The following EPHA5 variants were observed in gnomAD, a reference collection of about 807,000 sequenced individuals.
EPHA5 encodes ephrin type-A receptor 5.
A neutral mutation model predicts 105.0 loss-of-function variants in EPHA5; 60 were observed. That is an observed-to-expected ratio of 0.57 (90% CI 0.46 to 0.71). EPHA5 has a LOEUF of 0.71. Ranked by LOEUF, EPHA5 falls within the 30% of genes least tolerant of loss-of-function variation. The probability of loss-of-function intolerance (pLI) is 0.00; values close to 1 mark genes in which losing one functional copy is unlikely to be tolerated. For synonymous variants in EPHA5, 513 were observed against 449.1 expected (o/e 1.14, Z -1.80); for missense variants, 1,218 against 1,274.7 (o/e 0.96, Z 0.68).
At chr4:65,461,261 A>G (rs1338453432) in intron 5 of EPHA5, among the ~76,000 whole-genome samples, 1 of 151,900 alleles carries the variant, frequency 6.6e-6, no homozygotes, top group East Asian at 1.9e-4. Flanking sequence ...TCCAGTCACT[A>G]TCTGTGATTT....
Position 65,487,301 on chromosome 4 carries a change from T to C in EPHA5, c.1402+3076A>G, listed in dbSNP as rs543289304. Among the ~76,000 whole-genome samples the C allele has an allele frequency of 7.9e-5, 12 of 152,312 alleles. No homozygotes were observed. In the South Asian group the frequency reaches 2.5e-3, roughly 32 times the overall value. On this transcript the variant is annotated intron_variant, in intron 5 of 16. Transcript: ENST00000613740. ...CCCTTGTTCATTCCTCGGGATAGACTGAACTAACTTTGGGGGGAATTTAGT... is the reference window on the plus strand; with the variant it reads ...CCCTTGTTCATTCCTCGGGATAGACCGAACTAACTTTGGGGGGAATTTAGT...
At chr4:65,392,365 G>C (rs920543574) in intron 8 of EPHA5, among the ~76,000 whole-genome samples, 2 of 151,972 alleles carry the variant, frequency 1.3e-5, no homozygotes, top group African/African-American at 4.8e-5. Flanking sequence ...TCTAAAATCA[G>C]GGATTGTATA....
intron 5 of EPHA5, among the ~76,000 whole-genome samples, chr4:65,455,154 A>G (rs1428810715): frequency 6.6e-6 from 1 of 152,058 alleles, no homozygotes; most frequent in Non-Finnish European, 1.5e-5. Context: ...AATGACGTGA[A>G]CCTGGGAGGC....
chr4:65,405,106 C>T (rs564941276), intron 7 of EPHA5, among the ~76,000 whole-genome samples: 20 of 152,036 alleles, frequency 1.3e-4, no homozygotes, highest in Non-Finnish European at 2.4e-4. Context: ...AACTATCTTA[C>T]GATTGGATAC....
intron 2 of EPHA5, among the ~76,000 whole-genome samples, chr4:65,637,225 G>GTTTTTTTTTTTT (rs33936787): frequency 7.2e-6 from 1 of 139,040 alleles, no homozygotes; most frequent in Non-Finnish European, 1.5e-5. Flanking sequence ...GCACAGAAAA[G>GTTTTTTTTTTTT]TTTTTTTTTT....
intron 3 of EPHA5, among the ~76,000 whole-genome samples, chr4:65,551,000 T>TTATA (rs80172072): frequency 6.6e-6 from 1 of 151,050 alleles, no homozygotes; most frequent in Non-Finnish European, 1.5e-5. Flanking sequence ...TATTTGTGCA[T>TTATA]TATATATATA....
At chr4:65,433,846 C>A (rs1177184493) in intron 5 of EPHA5, among the ~76,000 whole-genome samples, 1 of 152,132 alleles carries the variant, frequency 6.6e-6, no homozygotes, top group Non-Finnish European at 1.5e-5. Flanking sequence ...CAGGACGGAT[C>A]ACCTGAGGCC....
rs2149570934 is a variant in EPHA5, at chr4:65,669,601, C to A, written c.142G>T (p.Ala48Ser). The A allele has an allele frequency of 7.0e-7, 1 of 1,434,300 alleles. No individual in the cohort carries two copies. The highest frequency in any genetic ancestry group is 9.2e-7 in the Non-Finnish European group (1 of 1,088,376). The allele number at this position is 1,434,300 out of a possible 1,614,324, so 88.8% of individuals were successfully genotyped here. The change falls in exon 1 of 17, where the codon GCC becomes TCC. Residue 48 changes from alanine to serine, a missense_variant. Physicochemically the swap from Ala to Ser is moderately conservative, Grantham distance 99 (BLOSUM62 1). This residue lies in a region of EPHA5 where 233 missense variants were observed against 227.5 expected (regional missense o/e 1.02). Transcript: ENST00000613740. ...CTGGCCAGGAGGGTCCGGAGTGCGG[C>A]GCACAGGAGAAGGCACGTCCAGAGG... ...APLWTCLLLCAALRTLLASPS... is the reference protein window; with the variant it reads ...APLWTCLLLCSALRTLLASPS...
chr4:65,370,829 G>T (rs1011246044), intron 8 of EPHA5, among the ~76,000 whole-genome samples: 1 of 151,996 alleles, frequency 6.6e-6, no homozygotes, highest in African/African-American at 2.4e-5. Context: ...TCACATTAAC[G>T]TATGGAATTA....
At chr4:65,532,751 CA>C (rs1378632448) in intron 3 of EPHA5, among the ~76,000 whole-genome samples, 1 of 144,482 alleles carries the variant, frequency 6.9e-6, no homozygotes, top group African/African-American at 2.6e-5. Flanking sequence ...GTGCATAAAA[CA>C]ACTGTAACCT....
chr4:65,431,993 T>C (rs1725025453), intron 5 of EPHA5, among the ~76,000 whole-genome samples: 1 of 152,022 alleles, frequency 6.6e-6, no homozygotes, highest in Admixed American at 6.6e-5. Context: ...ACTAAAGACA[T>C]AATAGAATAT....
rs1553896810 is a variant in EPHA5 at position 65,348,793 on chromosome 4, GTA to G, written c.2446-592_2446-591del. Among the ~76,000 whole-genome samples the G allele has an allele frequency of 2.6e-4, 11 of 42,852 alleles. 1 individual carries two copies. Among genetic ancestry groups the G allele is most frequent in the South Asian group, 9.8e-4 (1 of 1,018 alleles). 28.1% of individuals were successfully genotyped at this position (42,852 alleles called of 152,430 possible). On this transcript the variant is annotated intron_variant, in intron 13 of 16. Transcript: ENST00000613740. The stretch of plus-strand genomic sequence containing the variant: ...TATGTGTGTGCATGTGTGTGTGTGT[GTA>G]TATATATATATATATATATATTTTT...
At chr4:65,480,190 C>T (rs1730219094) in intron 5 of EPHA5, among the ~76,000 whole-genome samples, 2 of 152,084 alleles carry the variant, frequency 1.3e-5, no homozygotes, top group African/African-American at 4.8e-5. Context: ...AATTGTAAAA[C>T]CAGATTTTCT....
intron 3 of EPHA5, among the ~76,000 whole-genome samples, chr4:65,537,277 CT>C (rs1359913520): frequency 6.6e-6 from 1 of 151,774 alleles, no homozygotes; most frequent in African/African-American, 2.4e-5. Flanking sequence ...AGGAACAAAA[CT>C]AATATGCATC....
chr4:65,455,832 A>G (rs1183016258), intron 5 of EPHA5, among the ~76,000 whole-genome samples: 1 of 152,184 alleles, frequency 6.6e-6, no homozygotes, highest in East Asian at 1.9e-4. Context: ...AAATGCCCTG[A>G]ACACATAGGA....
chr4:65,323,102 A>C lies in EPHA5; in HGVS notation c.*1012T>G, dbSNP rs1719767785. The C allele has an allele frequency of 4.4e-6, 1 of 228,682 alleles. No homozygotes were observed. Among genetic ancestry groups the C allele is most frequent in the Non-Finnish European group, 8.7e-6 (1 of 115,136 alleles). The allele number at this position is 228,682 out of a possible 1,614,324, so 14.2% of individuals were successfully genotyped here. On this transcript the variant is annotated 3_prime_UTR_variant, in exon 17 of 17. Transcript: ENST00000613740. ...AAGGTGAAATTTCTTACAGGGGTACAAGATTAATGGCTAGAAGAACTGCAT... is the reference window on the plus strand; with the variant it reads ...AAGGTGAAATTTCTTACAGGGGTACCAGATTAATGGCTAGAAGAACTGCAT...
Position 65,322,819 on chromosome 4 carries a change from T to C in EPHA5, c.*1295A>G, listed in dbSNP as rs74972138. The C allele has an allele frequency of 3.6e-3, 827 of 228,742 alleles. 7 individuals are homozygous for C. The highest frequency in any genetic ancestry group is 0.017 in the African/African-American group (760 of 45,160). 14.2% of individuals were successfully genotyped at this position (228,742 alleles called of 1,614,324 possible). On this transcript the variant is annotated 3_prime_UTR_variant, in exon 17 of 17. Coordinates refer to ENST00000613740, the MANE Select transcript of EPHA5 (RefSeq NM_001281766.3). Reference sequence around the variant, plus strand: ...AAAATTCTGAAGGGAAATAAGCATATATATATATTTGTGTGTGTGTATGTG... The same window carrying C: ...AAAATTCTGAAGGGAAATAAGCATACATATATATTTGTGTGTGTGTATGTG...
chr4:65,331,854 T>C, intron 16 of EPHA5, 119 bp downstream of exon 16: 3 of 1,438,538 alleles, frequency 2.1e-6, no homozygotes, highest in Non-Finnish European at 2.7e-6. Context: ...TGAGGCTTCT[T>C]TGAGAGCTGC....
chr4:65,471,262 C>T (rs1017829586), intron 5 of EPHA5, among the ~76,000 whole-genome samples: 2 of 152,156 alleles, frequency 1.3e-5, no homozygotes, highest in African/African-American at 4.8e-5. Flanking sequence ...GCATATCTAC[C>T]TTCTTTCTGA....
Sources: allele counts gnomAD v4.1 joint callset (sites outside exome capture counted in the v4.1 genomes callset), GRCh38; gene constraint gnomAD v4.1.1; regional missense constraint gnomAD v4.1.1; transcripts MANE v1.5; gene names NCBI Gene and HGNC (gene_info 2026-07-23, HGNC 2026-07-21).